Variants in NID1 observed in about 807,000 individuals in gnomAD.
NID1 encodes nidogen 1, also known as nidogen-1.
A neutral mutation model predicts 130.6 loss-of-function variants in NID1; 76 were observed. The ratio of observed to expected loss-of-function variants is 0.58; its 90% CI spans 0.48 to 0.70. The LOEUF (loss-of-function observed/expected upper bound fraction) is 0.70. Ranked by LOEUF, NID1 falls within the 30% of genes least tolerant of loss-of-function variation. The pLI is 0.00. For missense variants in NID1, 1,517 were observed against 1,664.8 expected (o/e 0.91, Z 1.54); for synonymous variants, 665 against 675.1 (o/e 0.98, Z 0.23).
rs1344597654 is a variant in NID1, at chr1:235,992,056, CA to C, written c.2756-999del. 3.9e-5 allele frequency among the ~76,000 whole-genome samples: 6 copies of C among 152,274 alleles called. No homozygotes were observed. In the East Asian group the frequency reaches 1.2e-3, roughly 29 times the overall value. On this transcript the variant is annotated intron_variant, in intron 13 of 19. Transcript: ENST00000264187. ...GAGACAATGTCCCAGGAGGGACACACAACTGTGCTGCAAAGCAAGGAGGGCT... is the reference window on the plus strand; with the variant it reads ...GAGACAATGTCCCAGGAGGGACACACACTGTGCTGCAAAGCAAGGAGGGCT...
At chr1:236,038,647 T>C (rs1404420876) in intron 4 of NID1, among the ~76,000 whole-genome samples, 1 of 149,258 alleles carries the variant, frequency 6.7e-6, no homozygotes, top group Non-Finnish European at 1.5e-5. Context: ...ACTCTTAAAA[T>C]ATATATTAAA....
At chr1:235,982,232 G>A (rs1367945175) in intron 15 of NID1, among the ~76,000 whole-genome samples, 1 of 152,150 alleles carries the variant, frequency 6.6e-6, no homozygotes, top group Non-Finnish European at 1.5e-5. Context: ...GGGCTTTTTA[G>A]GTAGCGAGAC....
At chr1:235,983,451 C>T (rs1448945651) in intron 15 of NID1, among the ~76,000 whole-genome samples, 1 of 152,218 alleles carries the variant, frequency 6.6e-6, no homozygotes, top group Non-Finnish European at 1.5e-5. Flanking sequence ...CCAAAGGTCC[C>T]TTCTGGCTTT....
chr1:236,050,082 T>A (rs1437945387), intron 1 of NID1, among the ~76,000 whole-genome samples: 5 of 152,050 alleles, frequency 3.3e-5, no homozygotes, highest in Admixed American at 3.3e-4. Context: ...ATATCTATAT[T>A]TTTCTGATGG....
At position 236,048,949 on chromosome 1, in the gene NID1, G is replaced by T; in HGVS notation, c.266C>A (p.Ala89Asp). The change falls in exon 2 of 20, where the codon GCC (alanine) becomes GAC (aspartate). Residue 89 changes from alanine to aspartate, a missense_variant. Ala to Asp is a moderately radical substitution (Grantham distance 126). Transcript: ENST00000264187. ...NGIIATSEPP[A>D]KESHPGLFPP... ...GAAGAGCCCGGGATGGGATTCTTTG[G>T]CCGGGGGTTCACTCGTAGCAATGAT... 6.2e-7 allele frequency: 1 copy of T among 1,614,126 alleles called. No individual in the cohort carries two copies. The highest frequency in any genetic ancestry group is 8.5e-7 in the Non-Finnish European group (1 of 1,180,016).
intron 9 of NID1, among the ~76,000 whole-genome samples, chr1:236,023,188 T>C (rs933378156): frequency 3.9e-5 from 6 of 152,240 alleles, no homozygotes; most frequent in Non-Finnish European, 5.9e-5. Context: ...ACAGCATTAT[T>C]TGCAATAGCT....
intron 1 of NID1, among the ~76,000 whole-genome samples, chr1:236,064,005 G>A (rs2102856401): frequency 6.6e-6 from 1 of 152,312 alleles, no homozygotes. Context: ...TTCACGGGCA[G>A]GACAGGCTGC....
chr1:236,054,885 G>A (rs1328487316), intron 1 of NID1, among the ~76,000 whole-genome samples: 5 of 151,828 alleles, frequency 3.3e-5, no homozygotes, highest in South Asian at 2.1e-4. Flanking sequence ...CAAGCTATCC[G>A]CCCGCCTCAG....
At chr1:236,062,653 AAAAG>A (rs1333311685) in intron 1 of NID1, among the ~76,000 whole-genome samples, 10 of 144,490 alleles carry the variant, frequency 6.9e-5, no homozygotes, top group African/African-American at 2.2e-4. Flanking sequence ...AAAAAAAAAA[AAAAG>A]AATAACCAAA....
In NID1 at chr1:235,993,736, C is replaced by T. The variant is rs1657833193; in HGVS notation, c.2664G>A (p.Gln888=). 6.2e-7 allele frequency: 1 copy of T among 1,612,592 alleles called. No individual in the cohort carries two copies. The highest frequency in any genetic ancestry group is 8.5e-7 in the Non-Finnish European group (1 of 1,179,090). Residue 888 remains glutamine (Q), a synonymous_variant, in exon 13 of 20, where the codon CAG becomes CAA. Coordinates refer to ENST00000264187, the MANE Select transcript of NID1 (RefSeq NM_002508.3). ...AGCAGTAGCCGGTGCTGCCGTGGCA[C>T]TGGGTGGGCGCGTAGTGCCCGTGCG... The part of the protein sequence containing the change: ...CDAHGHYAPT[Q]CHGSTGYCWC...
At chr1:236,009,355 A>G (rs940841462) in intron 12 of NID1, among the ~76,000 whole-genome samples, 1 of 152,222 alleles carries the variant, frequency 6.6e-6, no homozygotes, top group African/African-American at 2.4e-5. Flanking sequence ...CAGACTTTCC[A>G]GCCTTCAGAA....
Position 235,991,064 on chromosome 1 carries a change from T to C in NID1, c.2756-6A>G, listed in dbSNP as rs1657723756. 6.3e-7 allele frequency: 1 copy of C among 1,575,462 alleles called. No individual in the cohort carries two copies. Among genetic ancestry groups the C allele is most frequent in the South Asian group, 1.2e-5 (1 of 84,034 alleles). ...GGGAGCCACTGTACTCAGACCTGCATGGCAGAGGGGGTCAGTGAGGGAGGC... is the reference window on the plus strand; with the variant it reads ...GGGAGCCACTGTACTCAGACCTGCACGGCAGAGGGGGTCAGTGAGGGAGGC... On this transcript the variant is annotated splice_region_variant and splice_polypyrimidine_tract_variant and intron_variant, in intron 13 of 19. Coordinates refer to ENST00000264187, the MANE Select transcript of NID1 (RefSeq NM_002508.3).
At chr1:236,053,503 T>G (rs1659818071) in intron 1 of NID1, among the ~76,000 whole-genome samples, 2 of 152,246 alleles carry the variant, frequency 1.3e-5, no homozygotes, top group Non-Finnish European at 2.9e-5. Context: ...TTCTTATCCT[T>G]ATTCCTCAGC....
In NID1 at chr1:235,993,808, G is replaced by A. The variant is rs749141631; in HGVS notation, c.2592C>T (p.Asp864=). Residue 864 remains aspartate, a synonymous_variant, in exon 13 of 20, where the codon GAC becomes GAT. Transcript: ENST00000264187. ...GCCCCGGAGGAATGGGTCGCTGTGGGTCTGTCGCCCCCGCTGCCCCGAGAA... is the reference window on the plus strand; with the variant it reads ...GCCCCGGAGGAATGGGTCGCTGTGGATCTGTCGCCCCCGCTGCCCCGAGAA... The part of the protein sequence containing the change: ...EHILGAAGAT[D]PQRPIPPGLF... 6.2e-7 allele frequency: 1 copy of A among 1,614,174 alleles called. No individual in the cohort carries two copies. The highest frequency in any genetic ancestry group is 1.1e-5 in the South Asian group (1 of 91,092).
In NID1 at chr1:236,064,839, C is replaced by G. The variant is rs1260869453; in HGVS notation, c.225+16G>C. The stretch of plus-strand genomic sequence containing the variant: ...CGCCCTGCAGCCCCTCGCCCGCCCT[C>G]CCGGGGCTCACTCACGTAGACTGCG... On this transcript the variant is annotated intron_variant, in intron 1 of 19. Coordinates refer to ENST00000264187, the MANE Select transcript of NID1 (RefSeq NM_002508.3). 2 of 1,604,712 alleles carry G rather than the reference C, an allele frequency of 1.2e-6. No homozygotes were observed. The highest frequency in any genetic ancestry group is 1.7e-6 in the Non-Finnish European group (2 of 1,176,124).
intron 7 of NID1, 46 bp downstream of exon 7, chr1:236,029,504 C>A (rs1334031626): frequency 1.3e-6 from 2 of 1,530,796 alleles, no homozygotes; most frequent in East Asian, 4.9e-5. Context: ...GAGCACGAGG[C>A]TAGTGGCCGG....
At chr1:235,988,193 CA>C (rs778988057) in intron 14 of NID1, among the ~76,000 whole-genome samples, 11 of 152,086 alleles carry the variant, frequency 7.2e-5, no homozygotes, top group Non-Finnish European at 1.2e-4. Flanking sequence ...CACAACTCAA[CA>C]ACAACAAAAG....
intron 15 of NID1, among the ~76,000 whole-genome samples, chr1:235,984,138 A>G (rs1417833781): frequency 9.9e-5 from 15 of 152,226 alleles, no homozygotes. Flanking sequence ...CTCCAAAAGC[A>G]ACAGGAAATA....
intron 12 of NID1, among the ~76,000 whole-genome samples, chr1:235,999,036 T>G (rs1658005717): frequency 6.6e-6 from 1 of 152,204 alleles, no homozygotes; most frequent in African/African-American, 2.4e-5. Context: ...TTGCCAGTGC[T>G]TAGACGGCTC....
Sources: gnomAD v4.1 joint callset for allele counts (sites outside exome capture counted in the v4.1 genomes callset) on GRCh38, gnomAD v4.1.1 for gene constraint, MANE v1.5 for transcripts, NCBI Gene and HGNC (gene_info 2026-07-23, HGNC 2026-07-21) for gene names.